ANAPC7: variants seen among roughly 807,000 people sequenced by gnomAD.
The protein encoded by ANAPC7 is anaphase promoting complex subunit 7, also known as anaphase-promoting complex subunit 7.
In ANAPC7, 25 loss-of-function variants were observed where a neutral mutation model predicts 63.3. The ratio of observed to expected loss-of-function variants is 0.39; its 90% CI spans 0.29 to 0.55. The LOEUF is 0.55. Ranked by LOEUF, ANAPC7 falls within the 20% of genes least tolerant of loss-of-function variation. The probability of loss-of-function intolerance (pLI) is 0.57; values close to 1 mark genes in which losing one functional copy is unlikely to be tolerated. For missense variants in ANAPC7, 516 were observed against 691.7 expected, an observed-to-expected ratio of 0.75 and a Z score of 2.85; for synonymous variants, 241 against 251.7, an observed-to-expected ratio of 0.96 and a Z score of 0.40.
At chr12:110,398,586 C>T (rs2062177060) in intron 1 of ANAPC7, among the ~76,000 whole-genome samples, 1 of 152,156 alleles carries the variant, frequency 6.6e-6, no homozygotes, top group African/African-American at 2.4e-5. Context: ...TAATGAGGAA[C>T]TCATATTTTC....
At chr12:110,377,679 C>T in intron 8 of ANAPC7, 62 bp from the exon 9 acceptor site, 1 of 1,602,982 alleles carries the variant, frequency 6.2e-7, no homozygotes, top group Non-Finnish European at 8.5e-7. Flanking sequence ...CATGCTTCCA[C>T]TCTGACAGCT....
intron 1 of ANAPC7, among the ~76,000 whole-genome samples, chr12:110,399,554 T>A (rs558867651): frequency 4.6e-5 from 7 of 152,112 alleles, no homozygotes. Flanking sequence ...TTTCTTTTTG[T>A]TGGGATAATG....
intron 10 of ANAPC7, 153 bp downstream of exon 10, chr12:110,375,913 G>T: frequency 7.7e-7 from 1 of 1,304,812 alleles, no homozygotes. Context: ...TAGAAGTCAT[G>T]AATTCACAAA....
Position 110,374,155 on chromosome 12 carries a change from C to G in ANAPC7, c.1687G>C (p.Gly563Arg), listed in dbSNP as rs773742168. The G allele has an allele frequency of 6.2e-7, 1 of 1,610,998 alleles. No homozygotes were observed. Residue 563 changes from glycine to arginine, a missense_variant, in exon 11 of 11, where the codon GGC becomes CGC. By Grantham distance (125) the Gly-to-Arg change is moderately radical. Around this residue, in one of 4 missense-constraint regions of ANAPC7, gnomAD observed 122 missense variants for 212.0 expected, o/e 0.58. Transcript: ENST00000455511. Reference protein sequence around the residue: ...AQWADQEQWFGMQ With the variant: ...AQWADQEQWFRMQ Reference sequence around the variant, plus strand: ...GAGCTGCCGCCCCCTCACTGCATGCCGAACCACTGCTCCTGGTCAGCCCAC... The same window carrying G: ...GAGCTGCCGCCCCCTCACTGCATGCGGAACCACTGCTCCTGGTCAGCCCAC...
rs75347070 is a variant in ANAPC7, at chr12:110,403,574, G to A, written c.54C>T (p.Asn18=). 10,346 of 1,609,162 alleles carry A rather than the reference G, an allele frequency of 6.4e-3. 495 individuals are homozygous for A. In the East Asian group the frequency reaches 0.13, roughly 21 times the overall value. The part of the protein sequence containing the change: ...RDMAAAGLHS[N]VRLLSSLLLT... ...GTAACAAGCTGCTGAGGAGCCGCAC[G>A]TTGGAGTGCAGCCCCGCGGCCGCCA... Residue 18 remains asparagine (N), a synonymous_variant, in exon 1 of 11, where the codon AAC becomes AAT. Transcript: ENST00000455511.
rs751646812 is a variant in ANAPC7, at chr12:110,374,234, C to A, written c.1608G>T (p.Met536Ile). 1.9e-6 allele frequency: 3 copies of A among 1,614,036 alleles called. No homozygotes were observed. In the African/African-American group the frequency reaches 4.0e-5, roughly 22 times the overall value. ...GGTCCCCTTCTTCCCCACTCCCTTC[C>A]ATGTCGTCCACATCCTCCTCCTGAG... ...DATQEEDVDD[M>I]EGSGEEGDLE... is the part of the protein sequence containing the mutation. The change falls in exon 11 of 11, where the codon ATG becomes ATT. Residue 536 changes from methionine to isoleucine, a missense_variant. Physicochemically the swap from Met to Ile is conservative, Grantham distance 10. This residue lies in a region of ANAPC7 where 122 missense variants were observed against 212.0 expected (regional missense o/e 0.58). Transcript: ENST00000455511.
At chr12:110,396,590 A>AG in intron 1 of ANAPC7, 138 bp from the exon 2 acceptor site, 1 of 582,876 alleles carries the variant, frequency 1.7e-6, no homozygotes, top group Non-Finnish European at 2.8e-6. Flanking sequence ...GGCTCACTGC[A>AG]ACCTCCACCT....
At chr12:110,382,459 A>AT (rs1229764014) in intron 7 of ANAPC7, among the ~76,000 whole-genome samples, 1,499 of 50,830 alleles carry the variant, frequency 0.029, 20 homozygotes, top group Non-Finnish European at 0.039. Context: ...AAAAAAAAAA[A>AT]AAATATATAT....
At chr12:110,383,893 A>AG (rs1425061022) in intron 6 of ANAPC7, among the ~76,000 whole-genome samples, 1 of 130,176 alleles carries the variant, frequency 7.7e-6, no homozygotes, top group Non-Finnish European at 1.6e-5. Context: ...AAAAAAAAAA[A>AG]AAAAAGAAAA....
chr12:110,388,317 G>A (rs2137958647), intron 4 of ANAPC7, among the ~76,000 whole-genome samples, 195 bp downstream of exon 4: 1 of 152,264 alleles, frequency 6.6e-6, no homozygotes. Context: ...AATTACAGGT[G>A]TAAGCCACCA....
At position 110,396,332 on chromosome 12, in the gene ANAPC7, T is replaced by C; in HGVS notation, c.222A>G (p.Lys74=). 6.2e-7 allele frequency: 1 copy of C among 1,613,986 alleles called. No individual in the cohort carries two copies. The highest frequency in any genetic ancestry group is 8.5e-7 in the Non-Finnish European group (1 of 1,179,928). ...SKYTMALQQK[K]ALSKTSKVRP... is the part of the protein sequence containing the mutation. ...TCACTTTTGAAGTTTTACTTAGCGC[T>C]TTCTTCTGCTGTAAAGCCATGGTAT... Residue 74 remains lysine, a synonymous_variant, in exon 2 of 11, where the codon AAA becomes AAG. Transcript: ENST00000455511.
intron 5 of ANAPC7, chr12:110,387,301 G>GAGAGAC (rs1882620856): frequency 7.7e-6 from 1 of 129,362 alleles, no homozygotes; most frequent in African/African-American, 2.9e-5. Flanking sequence ...GAGAGAGAGA[G>GAGAGAC]AGAGAGAGAC....
chr12:110,386,554 T>C (rs1395566994), intron 5 of ANAPC7, 85 bp from the exon 6 acceptor site: 2 of 1,216,960 alleles, frequency 1.6e-6, no homozygotes, highest in Admixed American at 2.4e-5. Flanking sequence ...GTCATACAGA[T>C]ACTATTTTCT....
At chr12:110,401,444 G>C (rs963379399) in intron 1 of ANAPC7, among the ~76,000 whole-genome samples, 4 of 152,170 alleles carry the variant, frequency 2.6e-5, no homozygotes, top group African/African-American at 9.7e-5. Context: ...AGAAAAGTGG[G>C]AGTACCCGAG....
intron 1 of ANAPC7, among the ~76,000 whole-genome samples, chr12:110,401,846 C>A (rs926180313): frequency 1.3e-5 from 2 of 150,008 alleles, no homozygotes; most frequent in African/African-American, 4.9e-5. Flanking sequence ...CGGTGGCGGG[C>A]GCCTGTAGTC....
chr12:110,381,954 G>GAAAAAAAAAAAAAAAA lies in ANAPC7; in HGVS notation c.936-22_936-7dup. On this transcript the variant is annotated splice_polypyrimidine_tract_variant and splice_region_variant and intron_variant, in intron 7 of 10. Coordinates refer to ENST00000455511, the MANE Select transcript of ANAPC7 (RefSeq NM_016238.3). ...TGCTATAGAAGCTGTGACAGCTGGA[G>GAAAAAAAAAAAAAAAA]AAAAAAAAAAAAAAAAAAACACAAA... 3 of 975,626 alleles carry GAAAAAAAAAAAAAAAA rather than the reference G, an allele frequency of 3.1e-6. No homozygotes were observed. Among genetic ancestry groups the GAAAAAAAAAAAAAAAA allele is most frequent in the Non-Finnish European group, 2.7e-6 (2 of 742,916 alleles). The allele number at this position is 975,626 out of a possible 1,614,324, so 60.4% of individuals were successfully genotyped here.
At position 110,398,954 on chromosome 12, in the gene ANAPC7, C is replaced by T. The variant is rs565153636; in HGVS notation, c.102-2502G>A. On this transcript the variant is annotated intron_variant, in intron 1 of 10. Coordinates refer to ENST00000455511, the MANE Select transcript of ANAPC7 (RefSeq NM_016238.3). ...AAGAGCCAAACTCCATCTCCAAAAA[C>T]AAAAACAAAAACAAGAAAAACAAAG... Among the ~76,000 whole-genome samples, 5 of 149,998 alleles carry T rather than the reference C, an allele frequency of 3.3e-5. No individual in the cohort carries two copies. In the East Asian group the frequency reaches 9.8e-4, roughly 29 times the overall value.
chr12:110,376,568 C>CA (rs57434475), intron 9 of ANAPC7, among the ~76,000 whole-genome samples: 1,254 of 62,348 alleles, frequency 0.02, 43 homozygotes, highest in East Asian at 0.051. Context: ...GACTCCATCT[C>CA]AAAAAAAAAA....
At chr12:110,376,888 C>T (rs778465893) in intron 9 of ANAPC7, among the ~76,000 whole-genome samples, 10 of 151,586 alleles carry the variant, frequency 6.6e-5, no homozygotes, top group African/African-American at 2.2e-4. Context: ...TTTGGGAGGC[C>T]GAGGCGGGTG....
Sources: allele counts gnomAD v4.1 joint callset (sites outside exome capture counted in the v4.1 genomes callset), GRCh38; gene constraint gnomAD v4.1.1; regional missense constraint gnomAD v4.1.1; transcripts MANE v1.5; gene names NCBI Gene and HGNC (gene_info 2026-07-23, HGNC 2026-07-21).